Variants in NWD2 observed in about 807,000 individuals in gnomAD.
NWD2 encodes the protein NACHT and WD repeat domain-containing protein 2.
In NWD2, 37 loss-of-function variants were observed where a neutral mutation model predicts 132.7. The ratio of observed to expected loss-of-function variants is 0.28; its 90% CI spans 0.21 to 0.37. The LOEUF (loss-of-function observed/expected upper bound fraction) is 0.37. Among genes scored for constraint, NWD2 ranks in the 10% least tolerant of loss-of-function variants. NWD2 has a pLI of 1.00. For synonymous variants in NWD2, 705 were observed against 803.0 expected (o/e 0.88, Z 2.06); for missense variants, 1,592 against 2,122.4 (o/e 0.75, Z 4.91).
chr4:37,267,349 C>T (rs981228072), intron 1 of NWD2, among the ~76,000 whole-genome samples: 2 of 151,864 alleles, frequency 1.3e-5, no homozygotes, highest in African/African-American at 4.8e-5. Context: ...GATGTTACTG[C>T]TTCAAAGAGG....
At chr4:37,381,109 T>A (rs2109308513) in intron 3 of NWD2, among the ~76,000 whole-genome samples, 1 of 151,952 alleles carries the variant, frequency 6.6e-6, no homozygotes, top group East Asian at 1.9e-4. Context: ...ACGTCAAGCC[T>A]CCCCCCAAGC....
intron 3 of NWD2, among the ~76,000 whole-genome samples, chr4:37,369,311 T>C (rs1720169092): frequency 6.6e-6 from 1 of 152,212 alleles, no homozygotes; most frequent in Non-Finnish European, 1.5e-5. Flanking sequence ...AGTGCAGTTT[T>C]GTTACATGGA....
chr4:37,329,071 C>G (rs1446805702), intron 2 of NWD2, among the ~76,000 whole-genome samples: 2 of 152,054 alleles, frequency 1.3e-5, no homozygotes, highest in African/African-American at 4.8e-5. Context: ...AGACCCAGCC[C>G]AGATATAACT....
chr4:37,362,173 G>A (rs769358922), intron 3 of NWD2, among the ~76,000 whole-genome samples: 6 of 152,080 alleles, frequency 3.9e-5, no homozygotes, highest in Non-Finnish European at 7.4e-5. Context: ...CACAGATGAC[G>A]CAAACAAATG....
intron 3 of NWD2, among the ~76,000 whole-genome samples, chr4:37,417,772 C>A (rs1173611835): frequency 3.9e-5 from 6 of 152,088 alleles, no homozygotes; most frequent in African/African-American, 1.4e-4. Context: ...TTTCTCACAA[C>A]TGGGGTTGAA....
intron 3 of NWD2, among the ~76,000 whole-genome samples, chr4:37,385,936 T>G (rs1351174919): frequency 2.0e-5 from 3 of 152,190 alleles, no homozygotes; most frequent in Non-Finnish European, 2.9e-5. Flanking sequence ...TACCATTCTT[T>G]GTTGTCTAAA....
At chr4:37,341,094 A>G (rs984156854) in intron 2 of NWD2, among the ~76,000 whole-genome samples, 11 of 152,382 alleles carry the variant, frequency 7.2e-5, no homozygotes, top group African/African-American at 2.6e-4. Context: ...TCAAAGTGAT[A>G]CACATTCAGT....
chr4:37,245,699 C>T (rs1717230569), intron 1 of NWD2, among the ~76,000 whole-genome samples: 1 of 152,126 alleles, frequency 6.6e-6, no homozygotes, highest in African/African-American at 2.4e-5. Context: ...GACTCTCCTC[C>T]TGCAGGTGCG....
At chr4:37,369,416 C>G (rs1310309256) in intron 3 of NWD2, among the ~76,000 whole-genome samples, 2 of 152,136 alleles carry the variant, frequency 1.3e-5, no homozygotes, top group Middle Eastern at 3.2e-3. Flanking sequence ...CCTTCTCCCC[C>G]ACTTCCCTGT....
At chr4:37,258,281 C>A (rs1057047810) in intron 1 of NWD2, among the ~76,000 whole-genome samples, 20 of 152,200 alleles carry the variant, frequency 1.3e-4, no homozygotes, top group African/African-American at 3.9e-4. Flanking sequence ...TATTGAATGA[C>A]CCAACCAACT....
At position 37,244,982 on chromosome 4, in the gene NWD2, T is replaced by G; in HGVS notation, c.-86T>G. 6.6e-7 allele frequency: 1 copy of G among 1,516,094 alleles called. No individual in the cohort carries two copies. The highest frequency in any genetic ancestry group is 8.8e-7 in the Non-Finnish European group (1 of 1,132,302). The allele number at this position is 1,516,094 out of a possible 1,614,324, so 93.9% of individuals were successfully genotyped here. On this transcript the variant is annotated 5_prime_UTR_variant, in exon 1 of 7. Transcript: ENST00000309447. This position sits in a 1 kb window ranked among gnomAD's most constrained non-coding sequence, Gnocchi z 5.5. Reference sequence around the variant, plus strand: ...GCGCCGCCTGCTGAGATCGACCGCCTGCTGAGCCGTTCCGTGGAGCTGCGG... The same window carrying G: ...GCGCCGCCTGCTGAGATCGACCGCCGGCTGAGCCGTTCCGTGGAGCTGCGG...
chr4:37,257,036 C>T (rs1034486432), intron 1 of NWD2, among the ~76,000 whole-genome samples: 1 of 152,168 alleles, frequency 6.6e-6, no homozygotes, highest in Non-Finnish European at 1.5e-5. Flanking sequence ...AGATTGGCCA[C>T]TTCCACTTTC....
Position 37,439,533 on chromosome 4 carries a change from T to C in NWD2, c.1296+143T>C. The C allele has an allele frequency of 1.8e-6, 1 of 567,426 alleles. No individual in the cohort carries two copies. The highest frequency in any genetic ancestry group is 2.9e-6 in the Non-Finnish European group (1 of 339,956). 35.1% of individuals were successfully genotyped at this position (567,426 alleles called of 1,614,324 possible). A position where few individuals can be genotyped will look rare whatever the true frequency, so the allele number is the denominator to read the frequency against. ...TAGGAGTGAATACTGCAGTGCTTCTTTTTTGCTGGTATAACAGTTATATTG... is the reference window on the plus strand; with the variant it reads ...TAGGAGTGAATACTGCAGTGCTTCTCTTTTGCTGGTATAACAGTTATATTG... On this transcript the variant is annotated intron_variant, in intron 6 of 6. Transcript: ENST00000309447. This position sits in a 1 kb window ranked among gnomAD's most constrained non-coding sequence, Gnocchi z 4.5.
At chr4:37,371,529 G>A (rs1355174010) in intron 3 of NWD2, among the ~76,000 whole-genome samples, 1 of 152,180 alleles carries the variant, frequency 6.6e-6, no homozygotes, top group African/African-American at 2.4e-5. Context: ...GCAGTGATAT[G>A]AAAATGACTT....
chr4:37,374,544 G>GA (rs1300073679), intron 3 of NWD2, among the ~76,000 whole-genome samples: 13 of 152,188 alleles, frequency 8.5e-5, no homozygotes, highest in Admixed American at 8.5e-4. Flanking sequence ...GAAAGATATG[G>GA]AAAAAGGAAT....
intron 4 of NWD2, among the ~76,000 whole-genome samples, chr4:37,431,374 A>G (rs986640651): frequency 1.8e-4 from 28 of 152,380 alleles, no homozygotes; most frequent in African/African-American, 6.3e-4. Flanking sequence ...TTACAGCAAC[A>G]TGGATGAACC....
intron 1 of NWD2, among the ~76,000 whole-genome samples, chr4:37,302,432 A>C (rs1390009194): frequency 6.6e-6 from 1 of 152,074 alleles, no homozygotes; most frequent in East Asian, 1.9e-4. Flanking sequence ...GGAAGTGCAG[A>C]TACCTCTCTG....
In NWD2 at chr4:37,340,903, C is replaced by G. The variant is rs115123076; in HGVS notation, c.240+14879C>G. ...TTAGAAATACGGAAGTAAATTGCTT[C>G]TGACCCTGAAGCAAATAAGTGGCAG... is the stretch of plus-strand genomic sequence containing the variant. On this transcript the variant is annotated intron_variant, in intron 2 of 6. Transcript: ENST00000309447. Among the ~76,000 whole-genome samples the G allele has an allele frequency of 2.3e-3, 356 of 152,294 alleles. 1 individual carries two copies. Among genetic ancestry groups the G allele is most frequent in the African/African-American group, 7.9e-3 (329 of 41,564 alleles).
At chr4:37,398,514 A>G (rs1414669453) in intron 3 of NWD2, among the ~76,000 whole-genome samples, 1 of 152,112 alleles carries the variant, frequency 6.6e-6, no homozygotes, top group Non-Finnish European at 1.5e-5. Flanking sequence ...AGAGTTTAAA[A>G]CCTACATGCC....
Sources: allele counts gnomAD v4.1 joint callset (sites outside exome capture counted in the v4.1 genomes callset), GRCh38; gene constraint gnomAD v4.1.1; non-coding constraint Gnocchi (gnomAD v3.1); transcripts MANE v1.5; gene names NCBI Gene and HGNC (gene_info 2026-07-23, HGNC 2026-07-21).